The following GRM1 variants were observed in gnomAD, a reference collection of about 807,000 sequenced individuals.
GRM1 encodes the protein glutamate metabotropic receptor 1.
Under a neutral mutation model 90.9 loss-of-function variants are expected in GRM1, and 33 were observed. The observed-to-expected ratio is 0.36, with a 90% CI of 0.28 to 0.49. The LOEUF (loss-of-function observed/expected upper bound fraction) is 0.49, where lower values mean the gene tolerates loss of function less well. GRM1 is among the 20% of genes least tolerant of loss of function. The probability of loss-of-function intolerance (pLI) is 0.99; values close to 1 mark genes in which losing one functional copy is unlikely to be tolerated. For synonymous variants in GRM1, 700 were observed against 613.2 expected (o/e 1.14, Z -2.09); for missense variants, 1,190 against 1,534.3 (o/e 0.78, Z 3.75).
chr6:146,397,335 A>G (rs375176692), intron 6 of GRM1, among the ~76,000 whole-genome samples: 12 of 151,766 alleles, frequency 7.9e-5, no homozygotes, highest in Admixed American at 3.9e-4. Flanking sequence ...TTAGCCGGGC[A>G]TGGTGGCGGG....
At chr6:146,122,484 T>C (rs935340102) in intron 1 of GRM1, among the ~76,000 whole-genome samples, 2 of 152,112 alleles carry the variant, frequency 1.3e-5, no homozygotes, top group African/African-American at 4.8e-5. Flanking sequence ...CTTTTATGAA[T>C]TTCTTCATCA....
In GRM1 at chr6:146,388,260, T is replaced by C. The variant is rs968721396; in HGVS notation, c.1729+1244T>C. ...GCTGAGGCCTAGAGACGTGAAGTTGTATGGCCAAAGTCAGGAAAATAGTGA... is the reference window on the plus strand; with the variant it reads ...GCTGAGGCCTAGAGACGTGAAGTTGCATGGCCAAAGTCAGGAAAATAGTGA... On this transcript the variant is annotated intron_variant, in intron 6 of 7. Transcript: ENST00000282753. Among the ~76,000 whole-genome samples the C allele has an allele frequency of 2.6e-5, 4 of 152,026 alleles. No individual in the cohort carries two copies. The East Asian group carries it at 5.8e-4, about 22-fold the overall frequency.
chr6:146,398,878 C>A lies in GRM1; in HGVS notation c.1839C>A (p.Ile613=), dbSNP rs763369977. 1 of 1,613,864 alleles carries A rather than the reference C, an allele frequency of 6.2e-7. No individual in the cohort carries two copies. Among genetic ancestry groups the A allele is most frequent in the Admixed American group, 1.7e-5 (1 of 60,014 alleles). Residue 613 remains isoleucine (I), a synonymous_variant, in exon 7 of 8, where the codon ATC becomes ATA. Transcript: ENST00000282753. Reference sequence around the variant, plus strand: ...TTGTTACCTTGTTTGTCACCCTAATCTTTGTACTGTACCGGGACACACCAG... The same window carrying A: ...TTGTTACCTTGTTTGTCACCCTAATATTTGTACTGTACCGGGACACACCAG... The part of the protein sequence containing the change: ...GILVTLFVTL[I]FVLYRDTPVV...
intron 2 of GRM1, among the ~76,000 whole-genome samples, chr6:146,254,160 G>A (rs1029483834): frequency 4.6e-5 from 7 of 152,068 alleles, no homozygotes; most frequent in South Asian, 2.1e-4. Context: ...CAGAAACGAC[G>A]GCAGCAAGAA....
At chr6:146,340,947 A>G (rs1003180624) in intron 3 of GRM1, among the ~76,000 whole-genome samples, 1 of 152,198 alleles carries the variant, frequency 6.6e-6, no homozygotes, top group Non-Finnish European at 1.5e-5. Flanking sequence ...ACAAAACAAC[A>G]GGCCCCAAAA....
intron 1 of GRM1, among the ~76,000 whole-genome samples, chr6:146,043,840 A>C (rs1791222872): frequency 7.1e-6 from 1 of 141,076 alleles, no homozygotes; most frequent in Non-Finnish European, 1.6e-5. Context: ...GTAGGTGTAT[A>C]TCTCAACCAG....
chr6:146,249,202 C>T (rs1378035426), intron 2 of GRM1, among the ~76,000 whole-genome samples: 2 of 152,152 alleles, frequency 1.3e-5, no homozygotes, highest in Non-Finnish European at 2.9e-5. Context: ...GGAATTTAAG[C>T]CTGCTGCAGA....
chr6:146,182,179 A>C (rs1482087768), intron 2 of GRM1, among the ~76,000 whole-genome samples: 1 of 152,124 alleles, frequency 6.6e-6, no homozygotes, highest in East Asian at 1.9e-4. Flanking sequence ...CTTAAAAATT[A>C]TTTTGTGGTG....
intron 1 of GRM1, among the ~76,000 whole-genome samples, chr6:146,135,071 C>G (rs983913003): frequency 6.6e-6 from 1 of 152,170 alleles, no homozygotes; most frequent in Non-Finnish European, 1.5e-5. Context: ...GGTGGGGACA[C>G]AGAGCCAGAC....
rs141550867 is a variant in GRM1 at position 146,276,666 on chromosome 6, AT to A, written c.951-27936del. 9.6e-3 allele frequency among the ~76,000 whole-genome samples: 1,464 copies of A among 151,772 alleles called. 24 individuals are homozygous for A. The highest frequency in any genetic ancestry group is 0.033 in the African/African-American group (1,385 of 41,422). The stretch of plus-strand genomic sequence containing the variant: ...CACCAGAACAATTGTAAACACTTTG[AT>A]TTTTTTTTCTTCCAGAGAAAATGAA... On this transcript the variant is annotated intron_variant, in intron 2 of 7. Coordinates refer to ENST00000282753, the MANE Select transcript of GRM1 (RefSeq NM_001278064.2).
chr6:146,066,847 G>A (rs896619619), intron 1 of GRM1, among the ~76,000 whole-genome samples: 1 of 152,078 alleles, frequency 6.6e-6, no homozygotes, highest in Non-Finnish European at 1.5e-5. Context: ...CTACAAATGT[G>A]GGACATTTAG....
chr6:146,213,256 C>T (rs777526395), intron 2 of GRM1, among the ~76,000 whole-genome samples: 34 of 151,956 alleles, frequency 2.2e-4, no homozygotes, highest in Non-Finnish European at 4.7e-4. Context: ...CAGGTTGAAG[C>T]ATAGAATTCA....
chr6:146,032,601 A>G (rs748450461), intron 1 of GRM1, among the ~76,000 whole-genome samples: 33 of 152,288 alleles, frequency 2.2e-4, no homozygotes, highest in Admixed American at 6.5e-5. Flanking sequence ...TTCCCTGTCA[A>G]ATAGCAGAGA....
chr6:146,155,520 TG>T (rs1777494493), intron 1 of GRM1, among the ~76,000 whole-genome samples: 4 of 152,208 alleles, frequency 2.6e-5, no homozygotes, highest in African/African-American at 9.6e-5. Flanking sequence ...AAGTGTCACA[TG>T]ACTATATTGA....
chr6:146,161,015 TC>T (rs1482185292), intron 2 of GRM1, among the ~76,000 whole-genome samples: 1 of 152,176 alleles, frequency 6.6e-6, no homozygotes, highest in Non-Finnish European at 1.5e-5. Flanking sequence ...AAATGTTATT[TC>T]TTTTAGGAGT....
chr6:146,167,648 G>C (rs997849915), intron 2 of GRM1, among the ~76,000 whole-genome samples: 1 of 152,010 alleles, frequency 6.6e-6, no homozygotes, highest in Non-Finnish European at 1.5e-5. Flanking sequence ...TAATAATGTT[G>C]AGCATTTTTA....
intron 2 of GRM1, among the ~76,000 whole-genome samples, chr6:146,280,616 C>T (rs778035929): frequency 3.3e-5 from 5 of 151,984 alleles, no homozygotes; most frequent in East Asian, 3.9e-4. Context: ...CTCATTACTT[C>T]GTTTACATTT....
chr6:146,345,534 T>C (rs924320392), intron 3 of GRM1, among the ~76,000 whole-genome samples: 1 of 152,222 alleles, frequency 6.6e-6, no homozygotes, highest in African/African-American at 2.4e-5. Context: ...TCCCTTTGTG[T>C]TATTAGCTCA....
At chr6:146,170,389 T>G (rs931411912) in intron 2 of GRM1, among the ~76,000 whole-genome samples, 2 of 152,142 alleles carry the variant, frequency 1.3e-5, no homozygotes, top group African/African-American at 4.8e-5. Context: ...CTGGTACTCT[T>G]TTTATATGTA....
Sources: gnomAD v4.1 joint callset for allele counts (sites outside exome capture counted in the v4.1 genomes callset) on GRCh38, gnomAD v4.1.1 for gene constraint, MANE v1.5 for transcripts, NCBI Gene and HGNC (gene_info 2026-07-23, HGNC 2026-07-21) for gene names.